Variants in GPR179 observed in about 807,000 individuals in gnomAD.
GPR179 encodes the protein probable G protein-coupled receptor 179.
GPR179 carries 52 observed loss-of-function variants against 70.8 expected under a neutral mutation model. The ratio of observed to expected loss-of-function variants is 0.73; its 90% CI spans 0.59 to 0.93. The LOEUF is 0.93. GPR179 is among the 40% of genes least tolerant of loss of function. The pLI is 0.00. For missense variants in GPR179, 2,734 were observed against 2,966.8 expected (o/e 0.92, Z 1.82); for synonymous variants, 1,123 against 1,169.0 (o/e 0.96, Z 0.80).
chr17:38,326,437 C>A lies in GPR179; in HGVS notation c.*28G>T, dbSNP rs746186611. ...GGGCCTTGGCTCCTGAAAGCTAGCTCTGTGTTTGACCTCACCTAATAAGGC... is the reference window on the plus strand; with the variant it reads ...GGGCCTTGGCTCCTGAAAGCTAGCTATGTGTTTGACCTCACCTAATAAGGC... On this transcript the variant is annotated 3_prime_UTR_variant, in exon 11 of 11. Transcript: ENST00000616987. 8 of 1,523,106 alleles carry A rather than the reference C, an allele frequency of 5.3e-6. No individual in the cohort carries two copies. In the East Asian group the frequency reaches 1.8e-4, roughly 35 times the overall value. 94.3% of individuals were successfully genotyped at this position (1,523,106 alleles called of 1,614,324 possible). A position where few individuals can be genotyped will look rare whatever the true frequency, so the allele number is the denominator to read the frequency against.
chr17:38,327,783 A>C lies in GPR179; in HGVS notation c.5786T>G (p.Ile1929Arg). 2 of 1,613,944 alleles carry C rather than the reference A, an allele frequency of 1.2e-6. No individual in the cohort carries two copies. The highest frequency in any genetic ancestry group is 1.7e-6 in the Non-Finnish European group (2 of 1,179,978). ...DPKTGSFPEH[I>R]TQEKAPAADT... ...TGCAGCTGGAGCTTTTTCTTGGGTT[A>C]TGTGTTCTGGGAAGGAACCTGTCTT... The change falls in exon 11 of 11, where the codon ATA becomes AGA. Residue 1929 changes from isoleucine to arginine, a missense_variant. Physicochemically the swap from Ile to Arg is moderately conservative, Grantham distance 97. Coordinates refer to ENST00000616987, the MANE Select transcript of GPR179 (RefSeq NM_001004334.4).
intron 2 of GPR179, among the ~76,000 whole-genome samples, chr17:38,338,836 A>G (rs1368052062): frequency 6.6e-6 from 1 of 152,166 alleles, no homozygotes; most frequent in South Asian, 2.1e-4. Context: ...AGTGCTCTCC[A>G]TCACTGTGAG....
Position 38,327,250 on chromosome 17 carries a change from C to T in GPR179, c.6319G>A (p.Val2107Met). 6.2e-7 allele frequency: 1 copy of T among 1,614,260 alleles called. No homozygotes were observed. The highest frequency in any genetic ancestry group is 8.5e-7 in the Non-Finnish European group (1 of 1,180,042). Reference protein sequence around the residue: ...SRGSSEAAGSVETRVAEVCLW... With the variant: ...SRGSSEAAGSMETRVAEVCLW... Reference sequence around the variant, plus strand: ...CACACTTCCGCTACCCTGGTCTCCACACTGCCTGCTGCCTCAGAACTGCCT... The same window carrying T: ...CACACTTCCGCTACCCTGGTCTCCATACTGCCTGCTGCCTCAGAACTGCCT... The change falls in exon 11 of 11, where the codon GTG becomes ATG. Residue 2107 changes from valine (V) to methionine (M), a missense_variant. By Grantham distance (21) the Val-to-Met change is conservative (BLOSUM62 1). Transcript: ENST00000616987.
In GPR179 at chr17:38,327,153, GCTC is replaced by G; in HGVS notation, c.6413_6415del (p.Gly2138del). 1.2e-6 allele frequency: 2 copies of G among 1,614,206 alleles called. No homozygotes were observed. The highest frequency in any genetic ancestry group is 1.7e-6 in the Non-Finnish European group (2 of 1,180,046). On this transcript the variant is annotated inframe_deletion, in exon 11 of 11. Transcript: ENST00000616987. ...TCTTTCCTGTTCCCCTTCCTCTGCT[GCTC>G]CTCCACCCGCCTCCCAAGGGCAGAT...
chr17:38,334,249 C>T lies in GPR179; in HGVS notation c.1785-211G>A, dbSNP rs183451992. On this transcript the variant is annotated intron_variant, in intron 8 of 10. Coordinates refer to ENST00000616987, the MANE Select transcript of GPR179 (RefSeq NM_001004334.4). This position sits in a 1 kb window ranked among gnomAD's most constrained non-coding sequence, Gnocchi z 4.7. ...CGCCCTCCCAGAATACTCCAGCTCA[C>T]TTTCTTTGGCTGTGTATAGCACAGA... Among the ~76,000 whole-genome samples, 1 of 152,348 alleles carries T rather than the reference C, an allele frequency of 6.6e-6. No homozygotes were observed. The highest frequency in any genetic ancestry group is 1.9e-4 in the East Asian group (1 of 5,178).
In GPR179 at chr17:38,330,576, G is replaced by C; in HGVS notation, c.2993C>G (p.Ala998Gly). Residue 998 changes from alanine to glycine, a missense_variant, in exon 11 of 11, where the codon GCA becomes GGA. Physicochemically the swap from Ala to Gly is moderately conservative, Grantham distance 60. Coordinates refer to ENST00000616987, the MANE Select transcript of GPR179 (RefSeq NM_001004334.4). ...ATTTTCTTGCTTGGCTGGCAGTTCTGCGTTCTCCCAGGGGCAGATGTAGGT... is the reference window on the plus strand; with the variant it reads ...ATTTTCTTGCTTGGCTGGCAGTTCTCCGTTCTCCCAGGGGCAGATGTAGGT... ...LLTYICPWEN[A>G]ELPAKQENVP... 1.3e-6 allele frequency: 2 copies of C among 1,577,398 alleles called. No homozygotes were observed. The highest frequency in any genetic ancestry group is 1.7e-6 in the Non-Finnish European group (2 of 1,163,926).
In GPR179 at chr17:38,327,838, T is replaced by C. The variant is rs555512354; in HGVS notation, c.5731A>G (p.Thr1911Ala). The change falls in exon 11 of 11, where the codon ACA becomes GCA. Residue 1911 changes from threonine to alanine, a missense_variant. Thr to Ala is a moderately conservative substitution (Grantham distance 58). Coordinates refer to ENST00000616987, the MANE Select transcript of GPR179 (RefSeq NM_001004334.4). ...TCTTGTCTCAGGTCCCCCTTCTCTG[T>C]TGCTTCCAAGGAATGTCCCTCTGCC... is the stretch of plus-strand genomic sequence containing the variant. ...EVAEGHSLEA[T>A]EKGDLRQDPK... 1.9e-6 allele frequency: 3 copies of C among 1,614,194 alleles called. No individual in the cohort carries two copies. The highest frequency in any genetic ancestry group is 4.5e-5 in the East Asian group (2 of 44,884).
chr17:38,330,192 G>A lies in GPR179; in HGVS notation c.3377C>T (p.Pro1126Leu). The A allele has an allele frequency of 6.4e-7, 1 of 1,568,952 alleles. No homozygotes were observed. Among genetic ancestry groups the A allele is most frequent in the Non-Finnish European group, 8.6e-7 (1 of 1,157,212 alleles). Residue 1126 changes from proline (P) to leucine (L), a missense_variant, in exon 11 of 11, where the codon CCC becomes CTC. Transcript: ENST00000616987. ...CCGGCCTAGCCTGGGCGATCGGGAG[G>A]GTGCCCCCATACTCTCTCCCGCAGT... is the stretch of plus-strand genomic sequence containing the variant. ...SGTAGESMGA[P>L]SRSPRLGRPK...
rs536747080 is a variant in GPR179 at position 38,329,709 on chromosome 17, T to C, written c.3860A>G (p.Gln1287Arg). The C allele has an allele frequency of 6.2e-7, 1 of 1,614,186 alleles. No individual in the cohort carries two copies. Among genetic ancestry groups the C allele is most frequent in the African/African-American group, 1.3e-5 (1 of 75,066 alleles). ...RALRQDPGDS[Q>R]KKRGEARGKS... The stretch of plus-strand genomic sequence containing the variant: ...TCCCCGGGCCTCCCCTCTCTTTTTT[T>C]GGGAGTCACCTGGGTCTTGTCTTAG... The change falls in exon 11 of 11, where the codon CAA (glutamine) becomes CGA (arginine). Residue 1287 changes from glutamine to arginine, a missense_variant. By Grantham distance (43) the Gln-to-Arg change is conservative (BLOSUM62 1). Transcript: ENST00000616987.
At position 38,329,710 on chromosome 17, in the gene GPR179, G is replaced by A. The variant is rs763017177; in HGVS notation, c.3859C>T (p.Gln1287Ter). The change falls in exon 11 of 11, where the codon CAA (glutamine) becomes TAA (stop). Residue 1287 changes from glutamine (Q) to a stop codon, truncating the protein, a stop_gained. Transcript: ENST00000616987. LOFTEE classifies it low-confidence loss of function (END_TRUNC). ...CCCCGGGCCTCCCCTCTCTTTTTTT[G>A]GGAGTCACCTGGGTCTTGTCTTAGT... ...RALRQDPGDS[Q>*]KKRGEARGKS... The A allele has an allele frequency of 2.5e-6, 4 of 1,613,968 alleles. No individual in the cohort carries two copies. In the South Asian group the frequency reaches 4.4e-5, roughly 18 times the overall value.
chr17:38,333,999 G>A lies in GPR179; in HGVS notation c.1824C>T (p.Leu608=), dbSNP rs1244866645. 18 of 1,613,986 alleles carry A rather than the reference G, an allele frequency of 1.1e-5. No homozygotes were observed. Among genetic ancestry groups the A allele is most frequent in the Middle Eastern group, 1.7e-4 (1 of 6,058 alleles). Residue 608 remains leucine (L), a synonymous_variant, in exon 9 of 11, where the codon CTC becomes CTT. Coordinates refer to ENST00000616987, the MANE Select transcript of GPR179 (RefSeq NM_001004334.4). ...TGTGGGTGTGGAAGAAGAAGAGGAG[G>A]AGGGTCCAGTCCGGGTGCAGAGAGG... ...LVPSLHPDWT[L]LLFFFHTHST... is the part of the protein sequence containing the mutation.
rs750052208 is a variant in GPR179 at position 38,330,637 on chromosome 17, GTGCCAGGGCAGGGGC to G, written c.2917_2931del (p.Ala973_Ala977del). ...GGGCTTTGTGGGGATACTGGGACTG[GTGCCAGGGCAGGGGC>G]TGGGGTTGGAGCTAGAGCTGGCAGC... On this transcript the variant is annotated inframe_deletion, in exon 11 of 11. Transcript: ENST00000616987. 6.3e-7 allele frequency: 1 copy of G among 1,590,412 alleles called. No homozygotes were observed. Among genetic ancestry groups the G allele is most frequent in the East Asian group, 2.2e-5 (1 of 44,600 alleles).
rs978987067 is a variant in GPR179 at position 38,334,158 on chromosome 17, C to G, written c.1785-120G>C. 37 of 699,420 alleles carry G rather than the reference C, an allele frequency of 5.3e-5. No homozygotes were observed. Among genetic ancestry groups the G allele is most frequent in the Middle Eastern group, 4.9e-4 (2 of 4,114 alleles). The allele number at this position is 699,420 out of a possible 1,614,324, so 43.3% of individuals were successfully genotyped here. On this transcript the variant is annotated intron_variant, in intron 8 of 10. Coordinates refer to ENST00000616987, the MANE Select transcript of GPR179 (RefSeq NM_001004334.4). This position sits in a 1 kb window ranked among gnomAD's most constrained non-coding sequence, Gnocchi z 4.7. ...GATACGCTTAGGACGAGGGGGCATT[C>G]TGCCCTCTCCTGCCCTCTCCAGGAT...
In GPR179 at chr17:38,328,565, T is replaced by C. The variant is rs2037314988; in HGVS notation, c.5004A>G (p.Thr1668=). Residue 1668 remains threonine, a synonymous_variant, in exon 11 of 11, where the codon ACA becomes ACG. Coordinates refer to ENST00000616987, the MANE Select transcript of GPR179 (RefSeq NM_001004334.4). ...TCTGGAGAAGGGTTTGGGGTCTCTCTGTGTCTTGAGGACGTGGTTGTGGGG... is the reference window on the plus strand; with the variant it reads ...TCTGGAGAAGGGTTTGGGGTCTCTCCGTGTCTTGAGGACGTGGTTGTGGGG... ...SFSPQPRPQD[T]ERPQTLLQMS... The C allele has an allele frequency of 6.2e-7, 1 of 1,614,034 alleles. No homozygotes were observed. The highest frequency in any genetic ancestry group is 1.3e-5 in the African/African-American group (1 of 74,902).
Position 38,325,724 on chromosome 17 carries a change from C to G in GPR179, c.*741G>C, listed in dbSNP as rs760882158. 6.6e-6 allele frequency: 1 copy of G among 152,456 alleles called. No homozygotes were observed. The highest frequency in any genetic ancestry group is 1.5e-5 in the Non-Finnish European group (1 of 68,068). The allele number at this position is 152,456 out of a possible 1,614,324, so 9.4% of individuals were successfully genotyped here. On this transcript the variant is annotated 3_prime_UTR_variant, in exon 11 of 11. Coordinates refer to ENST00000616987, the MANE Select transcript of GPR179 (RefSeq NM_001004334.4). ...CTGTGGGGAGGACCTGGGGCAATTGCTTTTCTTCTGTGTTCTCTCTCTCTG... is the reference window on the plus strand; with the variant it reads ...CTGTGGGGAGGACCTGGGGCAATTGGTTTTCTTCTGTGTTCTCTCTCTCTG...
chr17:38,333,365 C>T lies in GPR179; in HGVS notation c.1923G>A (p.Glu641=), dbSNP rs1271100490. 1 of 1,613,934 alleles carries T rather than the reference C, an allele frequency of 6.2e-7. No individual in the cohort carries two copies. Among genetic ancestry groups the T allele is most frequent in the Non-Finnish European group, 8.5e-7 (1 of 1,180,000 alleles). ...CGTCCTCACACACCTCATCCACCAT[C>T]TCCTCCCGGGGAGGAGCCCCCAGCT... is the stretch of plus-strand genomic sequence containing the variant. ...FWKLGAPPRE[E]MVDEVCEDEL... is the part of the protein sequence containing the mutation. Residue 641 remains glutamate (E), a synonymous_variant, in exon 10 of 11, where the codon GAG becomes GAA. Transcript: ENST00000616987.
In GPR179 at chr17:38,329,514, C is replaced by T; in HGVS notation, c.4055G>A (p.Ser1352Asn). 1 of 1,614,128 alleles carries T rather than the reference C, an allele frequency of 6.2e-7. No individual in the cohort carries two copies. Among genetic ancestry groups the T allele is most frequent in the Non-Finnish European group, 8.5e-7 (1 of 1,180,014 alleles). The change falls in exon 11 of 11, where the codon AGT (serine) becomes AAT (asparagine). Residue 1352 changes from serine (S) to asparagine (N), a missense_variant. Transcript: ENST00000616987. ...CTTCTCCACCTTCCTGGCCTCCACA[C>T]TGTCCCCCGCCTCAGATTTGTCTCT... ...RIRDKSEAGD[S>N]VEARKVEKPG...
intron 1 of GPR179, among the ~76,000 whole-genome samples, chr17:38,340,752 T>C (rs2037442544): frequency 6.6e-6 from 1 of 152,002 alleles, no homozygotes; most frequent in South Asian, 2.1e-4. Flanking sequence ...ACCTTGTCTC[T>C]ACTAAAAATA....
Position 38,334,118 on chromosome 17 carries a change from C to T in GPR179, c.1785-80G>A, listed in dbSNP as rs2037383063. 1 of 998,726 alleles carries T rather than the reference C, an allele frequency of 1.0e-6. No homozygotes were observed. The highest frequency in any genetic ancestry group is 1.6e-6 in the Non-Finnish European group (1 of 623,558). 61.9% of individuals were successfully genotyped at this position (998,726 alleles called of 1,614,324 possible). ...CTTTGCCTTCTCACTGGCGTTTCAC[C>T]TCAGCCCCAACCCTGATACGCTTAG... On this transcript the variant is annotated intron_variant, in intron 8 of 10. Transcript: ENST00000616987. The surrounding 1 kb of genome is among the most constrained non-coding windows in gnomAD (Gnocchi z 4.7).
Sources: allele counts gnomAD v4.1 joint callset (sites outside exome capture counted in the v4.1 genomes callset), GRCh38; gene constraint gnomAD v4.1.1; non-coding constraint Gnocchi (gnomAD v3.1); transcripts MANE v1.5; gene names NCBI Gene and HGNC (gene_info 2026-07-23, HGNC 2026-07-21).